SLC24A2: variants seen among roughly 807,000 people sequenced by gnomAD.
SLC24A2 encodes the protein sodium/potassium/calcium exchanger 2.
Under a neutral mutation model 62.0 loss-of-function variants are expected in SLC24A2, and 36 were observed. The ratio of observed to expected loss-of-function variants is 0.58; its 90% CI spans 0.44 to 0.77. The LOEUF is 0.77. Among genes scored for constraint, SLC24A2 ranks in the 30% least tolerant of loss-of-function variants. The pLI is 0.00. For missense variants in SLC24A2, 846 were observed against 817.9 expected, an observed-to-expected ratio of 1.03 and a Z score of -0.42; for synonymous variants, 358 against 294.0, an observed-to-expected ratio of 1.22 and a Z score of -2.23.
the SLC24A2 span, among the ~76,000 whole-genome samples, chr9:20,075,848 A>G: frequency 1.4e-4 from 22 of 152,304 alleles, no homozygotes; most frequent in African/African-American, 4.6e-4. Context: ...CTCGGCATCC[A>G]TGAGGAATTG....
the SLC24A2 span, among the ~76,000 whole-genome samples, chr9:20,295,437 A>T: frequency 6.6e-6 from 1 of 152,148 alleles, no homozygotes; most frequent in Non-Finnish European, 1.5e-5. Context: ...AATTTTAAGT[A>T]CTAACTTGAC....
At chr9:19,911,985 G>C in the SLC24A2 span, among the ~76,000 whole-genome samples, 2 of 152,012 alleles carry the variant, frequency 1.3e-5, no homozygotes, top group African/African-American at 2.4e-5. Flanking sequence ...GGTTTTATTT[G>C]TTTACTCACC....
At chr9:20,113,081 T>C in the SLC24A2 span, among the ~76,000 whole-genome samples, 1 of 149,344 alleles carries the variant, frequency 6.7e-6, no homozygotes, top group Non-Finnish European at 1.5e-5. Context: ...CCTCAGAGTT[T>C]TGGGGCATAG....
At position 19,786,419 on chromosome 9, in the gene SLC24A2, C is replaced by T; in HGVS notation, c.448G>A (p.Ala150Thr). The change falls in exon 2 of 11, where the codon GCC becomes ACC. Residue 150 changes from alanine to threonine, a missense_variant. Coordinates refer to ENST00000341998, the MANE Select transcript of SLC24A2 (RefSeq NM_020344.4). The surrounding 1 kb of genome is among the most constrained non-coding windows in gnomAD (Gnocchi z 5.0). Reference protein sequence around the residue: ...IGMIYMFIALAIVCDEFFVPS... With the variant: ...IGMIYMFIALTIVCDEFFVPS... Reference sequence around the variant, plus strand: ...ACAAAGAACTCATCACAGACAATGGCTAAGGCTATGAACATGTAGATCATT... The same window carrying T: ...ACAAAGAACTCATCACAGACAATGGTTAAGGCTATGAACATGTAGATCATT... 1 of 1,614,152 alleles carries T rather than the reference C, an allele frequency of 6.2e-7. No homozygotes were observed. Among genetic ancestry groups the T allele is most frequent in the Non-Finnish European group, 8.5e-7 (1 of 1,180,040 alleles).
the SLC24A2 span, among the ~76,000 whole-genome samples, chr9:19,837,316 G>T: frequency 1.1e-4 from 17 of 151,148 alleles, no homozygotes; most frequent in East Asian, 2.7e-3. Context: ...GCCGGGTGCG[G>T]TGGCGGGCGC....
the SLC24A2 span, among the ~76,000 whole-genome samples, chr9:19,978,544 T>G: frequency 3.3e-5 from 5 of 152,064 alleles, no homozygotes; most frequent in Admixed American, 6.6e-5. Context: ...TTCAAGCAAC[T>G]GACCAATGTC....
the SLC24A2 span, among the ~76,000 whole-genome samples, chr9:19,942,560 G>C: frequency 6.6e-6 from 1 of 152,160 alleles, no homozygotes; most frequent in East Asian, 1.9e-4. Context: ...CTTAGGGAAA[G>C]AAAAAGACAG....
the SLC24A2 span, among the ~76,000 whole-genome samples, chr9:19,879,335 A>G: frequency 2.6e-5 from 4 of 152,150 alleles, no homozygotes; most frequent in African/African-American, 9.7e-5. Context: ...GAGCTATTTT[A>G]TAGCTGAGTG....
the SLC24A2 span, among the ~76,000 whole-genome samples, chr9:20,255,404 A>C: frequency 6.6e-6 from 1 of 152,188 alleles, no homozygotes; most frequent in Non-Finnish European, 1.5e-5. Context: ...GCTACCCCCA[A>C]GTTAGCGGCT....
the SLC24A2 span, among the ~76,000 whole-genome samples, chr9:20,271,706 C>G: frequency 2.6e-5 from 4 of 152,106 alleles, no homozygotes; most frequent in Non-Finnish European, 5.9e-5. Context: ...AAGCAACACA[C>G]ACTATCCAAA....
the SLC24A2 span, among the ~76,000 whole-genome samples, chr9:20,011,788 A>G: frequency 1.3e-5 from 2 of 152,214 alleles, no homozygotes; most frequent in African/African-American, 4.8e-5. Flanking sequence ...TCAAAGAAAA[A>G]GAATATCAAA....
At chr9:19,978,131 C>T in the SLC24A2 span, among the ~76,000 whole-genome samples, 6 of 152,160 alleles carry the variant, frequency 3.9e-5, no homozygotes, top group Non-Finnish European at 8.8e-5. Context: ...AATTTGTCAA[C>T]TAAAAGTCCA....
the SLC24A2 span, among the ~76,000 whole-genome samples, chr9:20,045,278 G>A: frequency 6.6e-6 from 1 of 152,142 alleles, no homozygotes; most frequent in Non-Finnish European, 1.5e-5. Context: ...AATTGCAAAA[G>A]AAGCACAGAT....
chr9:19,835,354 A>T, the SLC24A2 span, among the ~76,000 whole-genome samples: 2 of 152,202 alleles, frequency 1.3e-5, no homozygotes, highest in Non-Finnish European at 2.9e-5. Flanking sequence ...AGACACACAT[A>T]GGCTCAAAAT....
Position 19,511,364 on chromosome 9 carries a change from A to C in SLC24A2, c.*4789T>G, listed in dbSNP as rs1486935350. The C allele has an allele frequency of 6.6e-6, 1 of 152,204 alleles. No homozygotes were observed. The highest frequency in any genetic ancestry group is 1.5e-5 in the Non-Finnish European group (1 of 68,042). 9.4% of individuals were successfully genotyped at this position (152,204 alleles called of 1,614,324 possible). A position where few individuals can be genotyped will look rare whatever the true frequency, so the allele number is the denominator to read the frequency against. On this transcript the variant is annotated 3_prime_UTR_variant, in exon 11 of 11. Coordinates refer to ENST00000341998, the MANE Select transcript of SLC24A2 (RefSeq NM_020344.4). The stretch of plus-strand genomic sequence containing the variant: ...TAGGGCAGGGTTACTTTTCTTACCC[A>C]AGGTCTTCCTGAGATTATTTTTTAA...
chr9:19,746,431 A>G (rs1422687468), intron 2 of SLC24A2, among the ~76,000 whole-genome samples: 8 of 152,132 alleles, frequency 5.3e-5, no homozygotes, highest in Non-Finnish European at 7.4e-5. Flanking sequence ...GGGGTGCCTG[A>G]GGCAACTCCT....
rs1272037284 is a variant in SLC24A2 at position 19,513,161 on chromosome 9, T to G, written c.*2992A>C. The G allele has an allele frequency of 4.9e-5, 3 of 60,632 alleles. No homozygotes were observed. Among genetic ancestry groups the G allele is most frequent in the Non-Finnish European group, 1.1e-4 (3 of 28,412 alleles). 3.8% of individuals were successfully genotyped at this position (60,632 alleles called of 1,614,324 possible). On this transcript the variant is annotated 3_prime_UTR_variant, in exon 11 of 11. Transcript: ENST00000341998. ...TATAGATCTGGTATAAAGATATATA[T>G]ATATATATATATATGTATATATATA...
At chr9:20,195,895 A>T in the SLC24A2 span, among the ~76,000 whole-genome samples, 1 of 152,110 alleles carries the variant, frequency 6.6e-6, no homozygotes, top group Non-Finnish European at 1.5e-5. Flanking sequence ...ATGGTATACA[A>T]AAAAAAGGTT....
At chr9:19,793,727 G>A (rs76713989), upstream of SLC24A2, among the ~76,000 whole-genome samples, 24 of 152,222 alleles carry the variant, frequency 1.6e-4, no homozygotes, top group East Asian at 2.1e-3. Flanking sequence ...TCCAAAGCCC[G>A]AGTTCTACTA....
Sources: allele counts gnomAD v4.1 joint callset (sites outside exome capture counted in the v4.1 genomes callset), GRCh38; gene constraint gnomAD v4.1.1; non-coding constraint Gnocchi (gnomAD v3.1); transcripts MANE v1.5; gene names NCBI Gene and HGNC (gene_info 2026-07-23, HGNC 2026-07-21).